Variants in NRTN observed in about 807,000 individuals in gnomAD.
NRTN encodes the protein prepro-neurturin.
In NRTN, 3 loss-of-function variants were observed where a neutral mutation model predicts 7.5. The observed-to-expected ratio is 0.40, with a 90% confidence interval of 0.18 to 1.03. The LOEUF (loss-of-function observed/expected upper bound fraction) is 1.03. NRTN is among the 50% of genes least tolerant of loss of function. The pLI is 0.34. For synonymous variants in NRTN, 157 were observed against 146.6 expected, an observed-to-expected ratio of 1.07 and a Z score of -0.51; for missense variants, 310 against 307.0, an observed-to-expected ratio of 1.01 and a Z score of -0.07.
intron 1 of NRTN, among the ~76,000 whole-genome samples, chr19:5,813,969 T>C (rs1227023559): frequency 6.6e-6 from 1 of 151,642 alleles, no homozygotes; most frequent in Non-Finnish European, 1.5e-5. Flanking sequence ...GATAACACCA[T>C]TGCGCTCCAG....
intron 1 of NRTN, among the ~76,000 whole-genome samples, chr19:5,820,738 GAAAAAA>G (rs869276836): frequency 5.1e-5 from 2 of 39,070 alleles, no homozygotes; most frequent in South Asian, 1.0e-3. Flanking sequence ...TCTGTCTCAA[GAAAAAA>G]AAAAAAAAAA....
chr19:5,823,043 G>T (rs1006323660), intron 1 of NRTN, among the ~76,000 whole-genome samples: 1 of 147,340 alleles, frequency 6.8e-6, no homozygotes, highest in African/African-American at 2.5e-5. Flanking sequence ...GAAAGAGAGA[G>T]AGAGAAAGAA....
intron 1 of NRTN, among the ~76,000 whole-genome samples, chr19:5,818,382 C>T (rs991184319): frequency 1.3e-5 from 2 of 151,950 alleles, no homozygotes; most frequent in South Asian, 2.1e-4. Context: ...TATGAAAGAA[C>T]CTGAGTGTGA....
intron 1 of NRTN, among the ~76,000 whole-genome samples, chr19:5,810,296 A>G (rs528415050): frequency 3.3e-5 from 5 of 150,278 alleles, no homozygotes; most frequent in African/African-American, 4.9e-5. Flanking sequence ...TTTTTTTTGT[A>G]AAGACAGAGT....
At chr19:5,826,621 C>T (rs2057047541) in intron 2 of NRTN, among the ~76,000 whole-genome samples, 1 of 152,146 alleles carries the variant, frequency 6.6e-6, no homozygotes, top group South Asian at 2.1e-4. Flanking sequence ...CAGGTGGGGA[C>T]TAAAGATTTC....
Position 5,809,873 on chromosome 19 carries a change from G to A in NRTN, c.-399+4422G>A, listed in dbSNP as rs573781535. Among the ~76,000 whole-genome samples, 8 of 152,126 alleles carry A rather than the reference G, an allele frequency of 5.3e-5. No individual in the cohort carries two copies. The East Asian group carries it at 5.8e-4, about 11-fold the overall frequency. On this transcript the variant is annotated intron_variant, in intron 1 of 2. Coordinates refer to ENST00000303212, the MANE Select transcript of NRTN (RefSeq NM_004558.5). Reference sequence around the variant, plus strand: ...TTTCCTCTTGTTAACACAGGCCAGCGGGTTCCCAGGCAGTAGTTGTGGAGT... The same window carrying A: ...TTTCCTCTTGTTAACACAGGCCAGCAGGTTCCCAGGCAGTAGTTGTGGAGT...
chr19:5,811,014 A>G (rs1445954184), intron 1 of NRTN, among the ~76,000 whole-genome samples: 2 of 151,598 alleles, frequency 1.3e-5, no homozygotes, highest in Admixed American at 1.3e-4. Context: ...AGGCAGGAGG[A>G]TCACTTGAGG....
At chr19:5,815,036 C>T (rs1012391622) in intron 1 of NRTN, among the ~76,000 whole-genome samples, 7 of 152,266 alleles carry the variant, frequency 4.6e-5, no homozygotes, top group Admixed American at 4.6e-4. Flanking sequence ...GGGCCGTTCC[C>T]TCCTGAGTCC....
At chr19:5,811,119 A>G (rs533331054) in intron 1 of NRTN, among the ~76,000 whole-genome samples, 3 of 152,034 alleles carry the variant, frequency 2.0e-5, no homozygotes, top group East Asian at 3.9e-4. Context: ...TGCACCTGTA[A>G]TCCCAGCTAC....
intron 1 of NRTN, among the ~76,000 whole-genome samples, chr19:5,813,841 A>G (rs1295870745): frequency 3.3e-5 from 5 of 151,906 alleles, no homozygotes; most frequent in African/African-American, 1.2e-4. Context: ...CTCTGTCTCA[A>G]AAGACAAAAT....
chr19:5,815,024 C>T lies in NRTN; in HGVS notation c.-398-8744C>T, dbSNP rs138509270. 4.9e-3 allele frequency among the ~76,000 whole-genome samples: 743 copies of T among 152,350 alleles called. 8 individuals are homozygous for T. Among genetic ancestry groups the T allele is most frequent in the African/African-American group, 0.017 (706 of 41,582 alleles). ...GGGTGGACACGGGCAGTGGTCAGGG[C>T]GGGGCCGTTCCCTCCTGAGTCCCCC... is the stretch of plus-strand genomic sequence containing the variant. On this transcript the variant is annotated intron_variant, in intron 1 of 2. Coordinates refer to ENST00000303212, the MANE Select transcript of NRTN (RefSeq NM_004558.5).
chr19:5,816,262 G>C (rs1024777755), intron 1 of NRTN, among the ~76,000 whole-genome samples: 1 of 152,192 alleles, frequency 6.6e-6, no homozygotes, highest in Non-Finnish European at 1.5e-5. Context: ...CAGGATCCCA[G>C]ATGACATTTA....
Position 5,827,977 on chromosome 19 carries a change from C to T in NRTN, c.398C>T (p.Ala133Val). The T allele has an allele frequency of 6.8e-7, 1 of 1,470,174 alleles. No individual in the cohort carries two copies. Among genetic ancestry groups the T allele is most frequent in the Non-Finnish European group, 9.0e-7 (1 of 1,116,692 alleles). The allele number at this position is 1,470,174 out of a possible 1,614,324, so 91.1% of individuals were successfully genotyped here. A position where few individuals can be genotyped will look rare whatever the true frequency, so the allele number is the denominator to read the frequency against. ...GTGCTGTTCCGCTACTGCGCAGGCG[C>T]CTGCGAGGCTGCCGCGCGCGTCTAC... ...ETVLFRYCAG[A>V]CEAAARVYDL... The change falls in exon 3 of 3, where the codon GCC (alanine) becomes GTC (valine). Residue 133 changes from alanine to valine, a missense_variant. By Grantham distance (64) the Ala-to-Val change is moderately conservative. Coordinates refer to ENST00000303212, the MANE Select transcript of NRTN (RefSeq NM_004558.5).
At chr19:5,826,604 C>G (rs1338113733) in intron 2 of NRTN, among the ~76,000 whole-genome samples, 3 of 152,130 alleles carry the variant, frequency 2.0e-5, no homozygotes, top group Admixed American at 6.6e-5. Flanking sequence ...TGCACCAGCC[C>G]GGGGGGCAGG....
rs138240507 is a variant in NRTN, at chr19:5,824,322, C to A, written c.157C>A (p.Arg53Ser). 6.2e-7 allele frequency: 1 copy of A among 1,603,074 alleles called. No homozygotes were observed. Among genetic ancestry groups the A allele is most frequent in the East Asian group, 2.2e-5 (1 of 44,594 alleles). ...LPRTLDARIA[R>S]LAQYRALLQG... ...TCGAACCCTGGACGCCCGGATTGCC[C>A]GCCTGGCCCAGTGTAAGCTCCTCCT... Residue 53 changes from arginine (R) to serine (S), a missense_variant, in exon 2 of 3, where the codon CGC (arginine) becomes AGC (serine). Transcript: ENST00000303212.
At chr19:5,819,003 C>G (rs1353158068) in intron 1 of NRTN, among the ~76,000 whole-genome samples, 1 of 152,162 alleles carries the variant, frequency 6.6e-6, no homozygotes, top group African/African-American at 2.4e-5. Context: ...AGAAACAGAC[C>G]ACCACAGCCC....
At chr19:5,813,410 G>A (rs1484489199) in intron 1 of NRTN, among the ~76,000 whole-genome samples, 3 of 151,752 alleles carry the variant, frequency 2.0e-5, no homozygotes, top group Non-Finnish European at 2.9e-5. Context: ...GGTGGCTCAC[G>A]CCTGTAATCC....
chr19:5,822,038 C>T (rs1191122093), intron 1 of NRTN, among the ~76,000 whole-genome samples: 1 of 152,164 alleles, frequency 6.6e-6, no homozygotes. Flanking sequence ...CTTGTGGGCT[C>T]AGCACCAGGC....
Position 5,823,324 on chromosome 19 carries a change from G to A in NRTN, c.-398-444G>A, listed in dbSNP as rs568238511. ...CCCAGCTACTCGGGGGGCTGAGGCA[G>A]GAGAATCGCTTGAACCCGGGAGGCA... is the stretch of plus-strand genomic sequence containing the variant. On this transcript the variant is annotated intron_variant, in intron 1 of 2. Transcript: ENST00000303212. 9.2e-5 allele frequency among the ~76,000 whole-genome samples: 14 copies of A among 152,210 alleles called. No individual in the cohort carries two copies. The East Asian group carries it at 1.9e-3, about 21-fold the overall frequency.
Sources: gnomAD v4.1 joint callset for allele counts (sites outside exome capture counted in the v4.1 genomes callset) on GRCh38, gnomAD v4.1.1 for gene constraint, MANE v1.5 for transcripts, NCBI Gene and HGNC (gene_info 2026-07-23, HGNC 2026-07-21) for gene names.